The following NCKAP5 variants were observed in gnomAD, a reference collection of about 807,000 sequenced individuals.
NCKAP5 encodes nck-associated protein 5.
NCKAP5 carries 92 observed loss-of-function variants against 167.0 expected under a neutral mutation model. The observed-to-expected ratio is 0.55, with a 90% confidence interval of 0.47 to 0.66. The LOEUF is 0.66. NCKAP5 is among the 30% of genes least tolerant of loss of function. NCKAP5 has a pLI of 0.00. For synonymous variants in NCKAP5, 891 were observed against 877.4 expected (o/e 1.02, Z -0.27); for missense variants, 2,378 against 2,315.0 (o/e 1.03, Z -0.56).
At chr2:132,848,564 C>T (rs1173722538) in intron 11 of NCKAP5, among the ~76,000 whole-genome samples, 1 of 152,176 alleles carries the variant, frequency 6.6e-6, no homozygotes, top group Non-Finnish European at 1.5e-5. Flanking sequence ...CTGATTTCTT[C>T]ACAACATAAA....
chr2:132,694,295 A>T (rs1176189206), intron 19 of NCKAP5, among the ~76,000 whole-genome samples: 2 of 152,242 alleles, frequency 1.3e-5, no homozygotes, highest in East Asian at 1.9e-4. Flanking sequence ...GGAAATGAAG[A>T]TATATTTAGA....
chr2:133,249,780 C>G (rs953041233), intron 4 of NCKAP5, among the ~76,000 whole-genome samples: 3 of 152,062 alleles, frequency 2.0e-5, no homozygotes, highest in Admixed American at 2.0e-4. Context: ...ACAAAGGAAG[C>G]ACATACGCCC....
Position 133,177,183 on chromosome 2 carries a change from T to TATATATATATACAC in NCKAP5, c.207+36532_207+36533insGTGTATATATATAT, listed in dbSNP as rs3051216. ...TGTTTTCTATATATATATATATATATATATACTCAAGAAACTTCTGTAAAA... is the reference window on the plus strand; with the variant it reads ...TGTTTTCTATATATATATATATATATATATATATATACACATATACTCAAGAAACTTCTGTAAAA... On this transcript the variant is annotated intron_variant, in intron 5 of 19. Coordinates refer to ENST00000409261, the MANE Select transcript of NCKAP5 (RefSeq NM_207363.3). Among the ~76,000 whole-genome samples the TATATATATATACAC allele has an allele frequency of 8.4e-5, 12 of 142,640 alleles. No homozygotes were observed. The Admixed American group carries it at 8.5e-4, about 10-fold the overall frequency. 93.6% of individuals were successfully genotyped at this position (142,640 alleles called of 152,430 possible).
At chr2:133,511,155 T>A (rs971052607) in intron 3 of NCKAP5, among the ~76,000 whole-genome samples, 2 of 152,192 alleles carry the variant, frequency 1.3e-5, no homozygotes, top group Admixed American at 1.3e-4. Flanking sequence ...TTGGACCTAG[T>A]CTACTTCCGT....
At chr2:133,495,633 G>C (rs1681875527) in intron 3 of NCKAP5, among the ~76,000 whole-genome samples, 1 of 152,136 alleles carries the variant, frequency 6.6e-6, no homozygotes, top group African/African-American at 2.4e-5. Flanking sequence ...CACACAAAAA[G>C]CTCCGAACTA....
intron 3 of NCKAP5, among the ~76,000 whole-genome samples, chr2:133,370,785 T>C (rs1685758452): frequency 2.0e-5 from 3 of 152,012 alleles, no homozygotes; most frequent in African/African-American, 7.2e-5. Flanking sequence ...TTTCTTTTTT[T>C]CCCCCAAATA....
chr2:133,024,390 C>G (rs775283313), intron 6 of NCKAP5, among the ~76,000 whole-genome samples: 6 of 152,146 alleles, frequency 3.9e-5, no homozygotes, highest in Non-Finnish European at 8.8e-5. Context: ...TCATATCTTA[C>G]ATAGCACTAA....
chr2:133,137,207 T>A (rs569252489), intron 5 of NCKAP5, among the ~76,000 whole-genome samples: 57 of 152,276 alleles, frequency 3.7e-4, no homozygotes, highest in South Asian at 3.5e-3. Flanking sequence ...GATTTGGTCA[T>A]CCTAGAAGCA....
chr2:132,762,666 G>A (rs1194680038), intron 16 of NCKAP5, among the ~76,000 whole-genome samples: 5 of 152,178 alleles, frequency 3.3e-5, no homozygotes, highest in African/African-American at 7.2e-5. Flanking sequence ...TCAGCTTCCC[G>A]ATCTGTAGCA....
chr2:133,405,340 A>G (rs1314248949), intron 3 of NCKAP5, among the ~76,000 whole-genome samples: 1 of 152,206 alleles, frequency 6.6e-6, no homozygotes, highest in Non-Finnish European at 1.5e-5. Flanking sequence ...TACTTTCTAC[A>G]TAAGGCACAT....
intron 2 of NCKAP5, among the ~76,000 whole-genome samples, chr2:133,544,103 T>A (rs1051981244): frequency 2.0e-5 from 3 of 152,246 alleles, no homozygotes; most frequent in Admixed American, 1.3e-4. Context: ...TTGATTTGTA[T>A]CTTGAATTAA....
At chr2:132,776,484 A>G (rs1682558768) in intron 15 of NCKAP5, among the ~76,000 whole-genome samples, 1 of 152,178 alleles carries the variant, frequency 6.6e-6, no homozygotes, top group Non-Finnish European at 1.5e-5. Context: ...TATGAGAAGA[A>G]CTGAGATGGT....
chr2:133,527,128 C>T (rs1335065295), intron 2 of NCKAP5: 1 of 151,878 alleles, frequency 6.6e-6, no homozygotes, highest in African/African-American at 2.4e-5. Flanking sequence ...AATTTCAAGA[C>T]AGTATTTTCC....
the NCKAP5 span, among the ~76,000 whole-genome samples, chr2:133,641,767 A>G: frequency 6.6e-6 from 1 of 152,216 alleles, no homozygotes; most frequent in African/African-American, 2.4e-5. Flanking sequence ...GCAAGACTTC[A>G]TGTCAGAGCT....
chr2:133,525,281 C>T (rs72990490), intron 2 of NCKAP5, among the ~76,000 whole-genome samples: 15,576 of 152,180 alleles, frequency 0.1, 1,329 homozygotes, highest in African/African-American at 0.23. Flanking sequence ...ATGTTGAAAA[C>T]TGGTTTTAAA....
intron 4 of NCKAP5, among the ~76,000 whole-genome samples, chr2:133,255,885 T>A (rs1303405293): frequency 6.6e-6 from 1 of 152,180 alleles, no homozygotes; most frequent in Non-Finnish European, 1.5e-5. Flanking sequence ...ATGAACAAAT[T>A]ATGTGCAAAC....
intron 11 of NCKAP5, among the ~76,000 whole-genome samples, chr2:132,853,689 T>C (rs1324664631): frequency 2.0e-5 from 3 of 152,144 alleles, no homozygotes; most frequent in Non-Finnish European, 4.4e-5. Context: ...TCAGTCCCCC[T>C]GACCAAAGGC....
At chr2:132,938,322 G>T (rs1250646477) in intron 8 of NCKAP5, among the ~76,000 whole-genome samples, 2 of 152,218 alleles carry the variant, frequency 1.3e-5, no homozygotes, top group Non-Finnish European at 2.9e-5. Flanking sequence ...GATTTCAGGA[G>T]TCCTGGTTTC....
At chr2:133,417,398 A>G (rs1689185186) in intron 3 of NCKAP5, among the ~76,000 whole-genome samples, 1 of 152,190 alleles carries the variant, frequency 6.6e-6, no homozygotes, top group Non-Finnish European at 1.5e-5. Context: ...AGCACTCCTA[A>G]AGACTGCGCA....
Sources: gnomAD v4.1 joint callset for allele counts (sites outside exome capture counted in the v4.1 genomes callset) on GRCh38, gnomAD v4.1.1 for gene constraint, MANE v1.5 for transcripts, NCBI Gene and HGNC (gene_info 2026-07-23, HGNC 2026-07-21) for gene names.